GRIK2: variants seen among roughly 807,000 people sequenced by gnomAD.
GRIK2 encodes glutamate receptor ionotropic, kainate 2.
GRIK2 carries 32 observed loss-of-function variants against 100.3 expected under a neutral mutation model. The ratio of observed to expected loss-of-function variants is 0.32; its 90% CI spans 0.24 to 0.43. The LOEUF (loss-of-function observed/expected upper bound fraction) is 0.43, where lower values mean the gene tolerates loss of function less well. Among genes scored for constraint, GRIK2 ranks in the 20% least tolerant of loss-of-function variants. The pLI is 1.00. For synonymous variants in GRIK2, 417 were observed against 389.4 expected, an observed-to-expected ratio of 1.07 and a Z score of -0.83; for missense variants, 843 against 1,114.9, an observed-to-expected ratio of 0.76 and a Z score of 3.47.
intron 2 of GRIK2, among the ~76,000 whole-genome samples, chr6:101,582,953 CT>C: frequency 6.6e-6 from 1 of 152,214 alleles, no homozygotes; most frequent in South Asian, 2.1e-4. Context: ...GTGGAAAGCC[CT>C]GTTCTCTCAA....
intron 12 of GRIK2, among the ~76,000 whole-genome samples, chr6:101,921,048 C>T (rs1789459650): frequency 6.6e-6 from 1 of 151,782 alleles, no homozygotes; most frequent in South Asian, 2.1e-4. Context: ...TGGGAATAAA[C>T]AGAAAATGGG....
chr6:101,521,055 C>T (rs971685483), intron 2 of GRIK2, among the ~76,000 whole-genome samples: 21 of 151,988 alleles, frequency 1.4e-4, no homozygotes, highest in East Asian at 9.6e-4. Flanking sequence ...GCCAGTTTTT[C>T]GTTATTTACC....
At chr6:101,493,852 T>C (rs1247674084) in intron 2 of GRIK2, among the ~76,000 whole-genome samples, 2 of 149,988 alleles carry the variant, frequency 1.3e-5, no homozygotes, top group Non-Finnish European at 3.0e-5. Context: ...CAACATTATT[T>C]CTCAAACCAT....
At chr6:102,023,008 G>A (rs1398487022) in intron 14 of GRIK2, among the ~76,000 whole-genome samples, 1 of 151,528 alleles carries the variant, frequency 6.6e-6, no homozygotes, top group East Asian at 2.0e-4. Flanking sequence ...TGGTGGATGT[G>A]AGAAGTTGTT....
In GRIK2 at chr6:101,402,023, C is replaced by A. The variant is rs372230044; in HGVS notation, c.115+2631C>A. ...AGGCGGCCACCCCAGCCCCCCTTCC[C>A]CGCTAGTTAAGGCTCTGTGTTATCC... On this transcript the variant is annotated intron_variant, in intron 2 of 16. Coordinates refer to ENST00000369134, the MANE Select transcript of GRIK2 (RefSeq NM_021956.5). 3.3e-5 allele frequency among the ~76,000 whole-genome samples: 5 copies of A among 152,248 alleles called. No individual in the cohort carries two copies. The East Asian group carries it at 9.7e-4, about 30-fold the overall frequency.
intron 7 of GRIK2, among the ~76,000 whole-genome samples, chr6:101,777,989 C>G (rs777178801): frequency 5.3e-5 from 8 of 152,268 alleles, no homozygotes; most frequent in Non-Finnish European, 1.0e-4. Flanking sequence ...TTATTCAGAG[C>G]TCCCAAATAC....
At chr6:101,429,312 A>G (rs1156769949) in intron 2 of GRIK2, among the ~76,000 whole-genome samples, 1 of 152,220 alleles carries the variant, frequency 6.6e-6, no homozygotes, top group Non-Finnish European at 1.5e-5. Flanking sequence ...GGACTAGGAG[A>G]CATGATACCC....
chr6:101,542,351 G>A (rs549039366), intron 2 of GRIK2, among the ~76,000 whole-genome samples: 1 of 152,130 alleles, frequency 6.6e-6, no homozygotes, highest in South Asian at 2.1e-4. Context: ...ATATTATTAT[G>A]TATGTTCACT....
chr6:101,631,075 T>G (rs1780722467), intron 4 of GRIK2, among the ~76,000 whole-genome samples: 1 of 152,128 alleles, frequency 6.6e-6, no homozygotes, highest in South Asian at 2.1e-4. Context: ...CTATTTATTT[T>G]TTACGATAAT....
chr6:101,608,113 A>G (rs1187206142), intron 2 of GRIK2, among the ~76,000 whole-genome samples: 1 of 151,936 alleles, frequency 6.6e-6, no homozygotes, highest in African/African-American at 2.4e-5. Context: ...TTTTCAATAG[A>G]AAACTGAAGT....
At chr6:102,028,727 T>G (rs1366766077) in intron 14 of GRIK2, among the ~76,000 whole-genome samples, 1 of 79,360 alleles carries the variant, frequency 1.3e-5, no homozygotes, top group Non-Finnish European at 3.2e-5. Flanking sequence ...TAAGAAATCG[T>G]TTTTTTTATT....
intron 14 of GRIK2, among the ~76,000 whole-genome samples, chr6:101,960,036 C>T (rs1792186049): frequency 8.0e-6 from 1 of 125,526 alleles, no homozygotes; most frequent in African/African-American, 3.2e-5. Context: ...TTTCTCAAAG[C>T]CTTTTTTTAG....
chr6:101,604,210 A>G (rs1469854638), intron 2 of GRIK2, among the ~76,000 whole-genome samples: 2 of 151,762 alleles, frequency 1.3e-5, no homozygotes, highest in African/African-American at 2.4e-5. Flanking sequence ...TCATTAAAAC[A>G]TTAATACCAT....
intron 2 of GRIK2, among the ~76,000 whole-genome samples, chr6:101,462,205 A>G (rs1018479891): frequency 3.9e-5 from 6 of 152,224 alleles, no homozygotes; most frequent in African/African-American, 1.2e-4. Flanking sequence ...GTAGAACTAT[A>G]CATTGCTACT....
intron 10 of GRIK2, among the ~76,000 whole-genome samples, chr6:101,824,602 C>A (rs1782194625): frequency 6.6e-6 from 1 of 152,150 alleles, no homozygotes; most frequent in Admixed American, 6.5e-5. Flanking sequence ...TGCTACTGCA[C>A]ATGTTCCTTC....
chr6:101,765,763 AT>A (rs1778010928), intron 7 of GRIK2, among the ~76,000 whole-genome samples: 1 of 152,158 alleles, frequency 6.6e-6, no homozygotes, highest in South Asian at 2.1e-4. Flanking sequence ...GAAAGTCTGT[AT>A]AAATGGAAGG....
At chr6:101,805,329 T>C (rs1286549691) in intron 9 of GRIK2, among the ~76,000 whole-genome samples, 5 of 144,030 alleles carry the variant, frequency 3.5e-5, no homozygotes, top group African/African-American at 7.7e-5. Context: ...AAAAAAAAAG[T>C]GCAGGGCAAA....
At chr6:102,001,946 C>A (rs1177632257) in intron 14 of GRIK2, among the ~76,000 whole-genome samples, 2 of 151,562 alleles carry the variant, frequency 1.3e-5, no homozygotes. Flanking sequence ...TTTTTCGACT[C>A]TTTACTTACA....
chr6:101,856,493 T>A (rs893603060), intron 10 of GRIK2, among the ~76,000 whole-genome samples: 1 of 152,152 alleles, frequency 6.6e-6, no homozygotes, highest in African/African-American at 2.4e-5. Flanking sequence ...ATAAAGATGT[T>A]ATTGAATTTG....
Sources: allele counts gnomAD v4.1 joint callset (sites outside exome capture counted in the v4.1 genomes callset), GRCh38; gene constraint gnomAD v4.1.1; transcripts MANE v1.5; gene names NCBI Gene and HGNC (gene_info 2026-07-23, HGNC 2026-07-21).